Variants in NTRK1 observed in about 807,000 individuals in gnomAD.
NTRK1 encodes the protein neurotrophic receptor tyrosine kinase 1.
Under a neutral mutation model 86.8 loss-of-function variants are expected in NTRK1, and 62 were observed. The observed-to-expected ratio is 0.71, with a 90% CI of 0.58 to 0.88. NTRK1 has a LOEUF of 0.88. Ranked by LOEUF, NTRK1 falls within the 40% of genes least tolerant of loss-of-function variation. NTRK1 has a pLI of 0.00. For synonymous variants in NTRK1, 469 were observed against 456.6 expected (o/e 1.03, Z -0.35); for missense variants, 967 against 1,078.4 (o/e 0.90, Z 1.45).
exon 1 of NTRK1, chr1:156,815,766 C>T (rs1015554660): frequency 3.6e-5 from 58 of 1,600,630 alleles, no homozygotes; most frequent in South Asian, 2.3e-4. Context: ...TGGTCATCTG[C>T]GGACTCAGCC....
intron 7 of NTRK1, among the ~76,000 whole-genome samples, chr1:156,872,966 C>T (rs561708832): frequency 2.1e-4 from 32 of 151,508 alleles, no homozygotes; most frequent in African/African-American, 6.5e-4. Flanking sequence ...CGTGAGCCAC[C>T]GCGCCTGGCC....
At chr1:156,856,784 T>C (rs573770784), upstream of NTRK1, among the ~76,000 whole-genome samples, 9 of 152,320 alleles carry the variant, frequency 5.9e-5, no homozygotes, top group African/African-American at 2.2e-4. Context: ...GATGTCTGGA[T>C]CCCAAGTTCA....
intron 2 of NTRK1, chr1:156,842,979 G>A (rs781708687): frequency 1.3e-6 from 2 of 1,563,222 alleles, no homozygotes; most frequent in African/African-American, 2.7e-5. Context: ...TTATGACCCT[G>A]ACAATGCCCT....
chr1:156,881,748 C>T lies in NTRK1; in HGVS notation c.*106C>T. On this transcript the variant is annotated 3_prime_UTR_variant, in exon 17 of 17. Coordinates refer to ENST00000524377, the MANE Select transcript of NTRK1 (RefSeq NM_002529.4). ...CAGGGTGATCTCAAAGTATCTAATT[C>T]ACCCTCAGCATGTGGGAAGGGACAG... 3.4e-6 allele frequency: 4 copies of T among 1,174,028 alleles called. No individual in the cohort carries two copies. The highest frequency in any genetic ancestry group is 4.7e-6 in the Non-Finnish European group (4 of 856,030). 72.7% of individuals were successfully genotyped at this position (1,174,028 alleles called of 1,614,324 possible).
intron 1 of NTRK1, among the ~76,000 whole-genome samples, chr1:156,861,848 G>A (rs931853265): frequency 2.0e-5 from 3 of 152,142 alleles, no homozygotes; most frequent in East Asian, 1.9e-4. Flanking sequence ...TTTGGTACAC[G>A]AAGCTGGGAG....
chr1:156,825,786 G>T (rs970865208), intron 1 of NTRK1, among the ~76,000 whole-genome samples: 1 of 152,192 alleles, frequency 6.6e-6, no homozygotes, highest in Non-Finnish European at 1.5e-5. Context: ...GGCCATGGGG[G>T]TGGAGAGAGA....
At position 156,854,483 on chromosome 1, in the gene NTRK1, G is replaced by A. The variant is rs765058586; in HGVS notation, c.51-9871G>A. On this transcript the variant is annotated intron_variant, in intron 2 of 16. Coordinates refer to the NTRK1 transcript ENST00000392302. The surrounding 1 kb of genome is among the most constrained non-coding windows in gnomAD (Gnocchi z 4.2). The stretch of plus-strand genomic sequence containing the variant: ...CGGAGGGCTCACCTGCAGCCTGCAG[G>A]GTCTCTACCAGATGAGCCACACAGG... Among the ~76,000 whole-genome samples, 1 of 152,024 alleles carries A rather than the reference G, an allele frequency of 6.6e-6. No individual in the cohort carries two copies. The highest frequency in any genetic ancestry group is 1.5e-5 in the Non-Finnish European group (1 of 68,008).
intron 1 of NTRK1, among the ~76,000 whole-genome samples, chr1:156,829,605 T>G (rs963888355): frequency 1.3e-5 from 2 of 152,194 alleles, no homozygotes; most frequent in Non-Finnish European, 2.9e-5. Flanking sequence ...GGAGGAGGAC[T>G]GCTCGCGCTC....
chr1:156,851,410 T>G, intron 2 of NTRK1: 1 of 1,614,122 alleles, frequency 6.2e-7, no homozygotes, highest in Non-Finnish European at 8.5e-7. Context: ...CCCCAGGCTG[T>G]GCTGCAGCTG....
chr1:156,881,622 T>A lies in NTRK1; in HGVS notation c.2371T>A (p.Tyr791Asn), dbSNP rs750111437. Residue 791 changes from tyrosine (Y) to asparagine (N), a missense_variant, in exon 17 of 17, where the codon TAC (tyrosine) becomes AAC (asparagine). Physicochemically the swap from Tyr to Asn is moderately radical, Grantham distance 143. Around this residue, in one of 2 missense-constraint regions of NTRK1, gnomAD observed 637 missense variants for 776.5 expected, o/e 0.82. Transcript: ENST00000524377. ...AGCCCTGGCCCAGGCACCTCCTGTC[T>A]ACCTGGATGTCCTGGGCTAGGGGGC... ...LQALAQAPPV[Y>N]LDVLG The A allele has an allele frequency of 1.2e-6, 2 of 1,609,006 alleles. No individual in the cohort carries two copies. The highest frequency in any genetic ancestry group is 1.7e-6 in the Non-Finnish European group (2 of 1,178,190).
intron 1 of NTRK1, among the ~76,000 whole-genome samples, chr1:156,817,894 C>T (rs1229432113): frequency 6.6e-5 from 10 of 152,186 alleles, no homozygotes; most frequent in East Asian, 1.9e-4. Context: ...CCACCCACCT[C>T]GGCCTCCCAA....
At chr1:156,849,714 C>T (rs1558088881) in intron 2 of NTRK1, among the ~76,000 whole-genome samples, 2 of 152,134 alleles carry the variant, frequency 1.3e-5, no homozygotes, top group Admixed American at 6.5e-5. Context: ...AGCTTCCCTG[C>T]CCCCATCCTT....
upstream of NTRK1, among the ~76,000 whole-genome samples, chr1:156,857,185 G>T (rs1036749835): frequency 8.1e-6 from 1 of 124,220 alleles, no homozygotes; most frequent in East Asian, 2.3e-4. Flanking sequence ...GTGTGTGTGT[G>T]TGTGTGTGTG....
chr1:156,836,472 C>G (rs1392085677), intron 1 of NTRK1, among the ~76,000 whole-genome samples: 3 of 152,224 alleles, frequency 2.0e-5, no homozygotes, highest in Non-Finnish European at 4.4e-5. Flanking sequence ...TGGTGATTGA[C>G]AGCTACCTCC....
rs374799164 is a variant in NTRK1, at chr1:156,876,101, G to C, written c.1523G>C (p.Arg508Pro). ...TCAGGTGTTCACCACATCAAGCGCC[G>C]GGACATCGTGCTCAAGTGGGAGCTG... is the stretch of plus-strand genomic sequence containing the variant. ...SDACVHHIKR[R>P]DIVLKWELGE... Residue 508 changes from arginine (R) to proline (P), a missense_variant, in exon 13 of 17, where the codon CGG becomes CCG. Transcript: ENST00000524377. 1 of 1,614,182 alleles carries C rather than the reference G, an allele frequency of 6.2e-7. No individual in the cohort carries two copies. Among genetic ancestry groups the C allele is most frequent in the Non-Finnish European group, 8.5e-7 (1 of 1,180,028 alleles).
chr1:156,881,650 G>T lies in NTRK1; in HGVS notation c.*8G>T, dbSNP rs755870019. On this transcript the variant is annotated 3_prime_UTR_variant, in exon 17 of 17. Coordinates refer to ENST00000524377, the MANE Select transcript of NTRK1 (RefSeq NM_002529.4). ...CTGGATGTCCTGGGCTAGGGGGCCG[G>T]CCCAGGGGCTGGGAGTGGTTAGCCG... 4 of 1,598,876 alleles carry T rather than the reference G, an allele frequency of 2.5e-6. No homozygotes were observed. The highest frequency in any genetic ancestry group is 3.4e-6 in the Non-Finnish European group (4 of 1,173,688).
At chr1:156,872,326 C>G (rs1304294777) in intron 7 of NTRK1, among the ~76,000 whole-genome samples, 3 of 152,208 alleles carry the variant, frequency 2.0e-5, no homozygotes, top group African/African-American at 7.2e-5. Context: ...CCATCCCACT[C>G]TCCCATCTCA....
intron 1 of NTRK1, chr1:156,816,234 G>A: frequency 2.2e-6 from 3 of 1,394,060 alleles, no homozygotes; most frequent in Non-Finnish European, 2.9e-6. Context: ...AGGGCAGCAG[G>A]GGAGTTTCTC....
rs531826071 is a variant in NTRK1, at chr1:156,816,255, T to C, written c.-64+417T>C. The C allele has an allele frequency of 6.3e-6, 5 of 792,540 alleles. No homozygotes were observed. The Admixed American group carries it at 3.1e-4, about 49-fold the overall frequency. The allele number at this position is 792,540 out of a possible 1,614,324, so 49.1% of individuals were successfully genotyped here. ...GCAGGGGAGTTTCTCAGGCATGAGGTTAAGTAGCCAAGGCGGCATGGGGGG... is the reference window on the plus strand; with the variant it reads ...GCAGGGGAGTTTCTCAGGCATGAGGCTAAGTAGCCAAGGCGGCATGGGGGG... On this transcript the variant is annotated intron_variant, in intron 1 of 16. Transcript: ENST00000392302.
Sources: gnomAD v4.1 joint callset for allele counts (sites outside exome capture counted in the v4.1 genomes callset) on GRCh38, gnomAD v4.1.1 for gene constraint, gnomAD v4.1.1 regional missense constraint, Gnocchi (gnomAD v3.1) non-coding constraint, MANE v1.5 for transcripts, NCBI Gene and HGNC (gene_info 2026-07-23, HGNC 2026-07-21) for gene names.